Variants in PDGFC observed in about 807,000 individuals in gnomAD.
The protein encoded by PDGFC is platelet derived growth factor C, also known as platelet-derived growth factor C.
A neutral mutation model predicts 35.5 loss-of-function variants in PDGFC; 12 were observed. That is an observed-to-expected ratio of 0.34 (90% CI 0.22 to 0.55). PDGFC has a LOEUF of 0.55. PDGFC is among the 20% of genes least tolerant of loss of function. The pLI, the probability that PDGFC is intolerant of heterozygous loss-of-function variation, is 0.91. For synonymous variants in PDGFC, 159 were observed against 148.8 expected (o/e 1.07, Z -0.50); for missense variants, 322 against 412.4 (o/e 0.78, Z 1.90).
chr4:156,870,763 TAA>T (rs1249799504), intron 1 of PDGFC, among the ~76,000 whole-genome samples: 1 of 152,140 alleles, frequency 6.6e-6, no homozygotes, highest in Admixed American at 6.5e-5. Flanking sequence ...TAAAAGTAAC[TAA>T]GTGACTTTCT....
In PDGFC at chr4:156,760,960, T is replaced by G. The variant is rs1290037396; in HGVS notation, c.*2130A>C. 1 of 152,082 alleles carries G rather than the reference T, an allele frequency of 6.6e-6. No individual in the cohort carries two copies. The highest frequency in any genetic ancestry group is 6.6e-5 in the Admixed American group (1 of 15,250). 9.4% of individuals were successfully genotyped at this position (152,082 alleles called of 1,614,324 possible). A position where few individuals can be genotyped will look rare whatever the true frequency, so the allele number is the denominator to read the frequency against. ...TATATCTAGTTGGCCTCTATATGGA[T>G]AGGACAAAACCAGGAAAAGGTAAGG... On this transcript the variant is annotated 3_prime_UTR_variant, in exon 6 of 6. Coordinates refer to ENST00000502773, the MANE Select transcript of PDGFC (RefSeq NM_016205.3).
At position 156,798,191 on chromosome 4, in the gene PDGFC, C is replaced by CA; in HGVS notation, c.495+12645dup. Among the ~76,000 whole-genome samples the CA allele has an allele frequency of 2.0e-5, 3 of 152,144 alleles. No individual in the cohort carries two copies. In the South Asian group the frequency reaches 6.2e-4, roughly 32 times the overall value. ...TGGGCGACAGAGCGAGACTCCGTCA[C>CA]AAAAACAAAACAAAACAAAACAAAA... On this transcript the variant is annotated intron_variant, in intron 3 of 5. Transcript: ENST00000502773.
intron 1 of PDGFC, among the ~76,000 whole-genome samples, chr4:156,889,150 C>T (rs1327398517): frequency 6.6e-6 from 1 of 152,158 alleles, no homozygotes; most frequent in Admixed American, 6.6e-5. Flanking sequence ...CTTGCCCAGA[C>T]AGAGGCCTAC....
intron 3 of PDGFC, among the ~76,000 whole-genome samples, chr4:156,785,325 C>T (rs1731092966): frequency 6.6e-6 from 1 of 152,130 alleles, no homozygotes; most frequent in Non-Finnish European, 1.5e-5. Context: ...CCTCAGGCTG[C>T]CAAGTAGCTG....
intron 1 of PDGFC, among the ~76,000 whole-genome samples, chr4:156,926,835 T>G (rs1422784124): frequency 6.6e-6 from 1 of 152,108 alleles, no homozygotes; most frequent in African/African-American, 2.4e-5. Context: ...ACAGTGGCCC[T>G]CTTCTCACAG....
chr4:156,798,471 T>C (rs2110906007), intron 3 of PDGFC, among the ~76,000 whole-genome samples: 1 of 152,248 alleles, frequency 6.6e-6, no homozygotes, highest in Non-Finnish European at 1.5e-5. Flanking sequence ...TTTTACGTAA[T>C]TGGGAATCCT....
chr4:156,889,522 T>C (rs1029434834), intron 1 of PDGFC, among the ~76,000 whole-genome samples: 6 of 152,198 alleles, frequency 3.9e-5, no homozygotes, highest in African/African-American at 1.2e-4. Context: ...TTAGTGCTCT[T>C]AATTGCCATA....
At chr4:156,882,106 CTG>C (rs1370047653) in intron 1 of PDGFC, among the ~76,000 whole-genome samples, 1 of 152,098 alleles carries the variant, frequency 6.6e-6, no homozygotes, top group Non-Finnish European at 1.5e-5. Flanking sequence ...TGAAGTATGA[CTG>C]TATCTATAGT....
intron 3 of PDGFC, among the ~76,000 whole-genome samples, chr4:156,779,705 C>A (rs952896387): frequency 6.6e-6 from 1 of 152,128 alleles, no homozygotes; most frequent in Non-Finnish European, 1.5e-5. Context: ...ACTAAGTAGA[C>A]CTTCTTACCA....
chr4:156,865,306 T>C (rs1729813586), intron 1 of PDGFC, among the ~76,000 whole-genome samples: 1 of 152,092 alleles, frequency 6.6e-6, no homozygotes, highest in East Asian at 1.9e-4. Context: ...TTAGTTGATA[T>C]ACTGTCAGGA....
In PDGFC at chr4:156,824,307, T is replaced by C. The variant is rs1459891566; in HGVS notation, c.315-13290A>G. On this transcript the variant is annotated intron_variant, in intron 2 of 5. Transcript: ENST00000502773. ...AAGCATATATATATATATATATATA[T>C]ATATATATATATATATATATACACA... Among the ~76,000 whole-genome samples the C allele has an allele frequency of 2.5e-3, 118 of 47,034 alleles. 1 individual carries two copies. Among genetic ancestry groups the C allele is most frequent in the African/African-American group, 7.1e-3 (117 of 16,556 alleles). The allele number at this position is 47,034 out of a possible 152,430, so 30.9% of individuals were successfully genotyped here.
chr4:156,816,406 A>T (rs1732087698), intron 2 of PDGFC, among the ~76,000 whole-genome samples: 1 of 152,216 alleles, frequency 6.6e-6, no homozygotes. Flanking sequence ...ACACAAAAAT[A>T]GAAGTATTAG....
chr4:156,872,450 C>G (rs1351266276), intron 1 of PDGFC, among the ~76,000 whole-genome samples: 1 of 152,186 alleles, frequency 6.6e-6, no homozygotes, highest in African/African-American at 2.4e-5. Flanking sequence ...TGACTCAAGG[C>G]TTCAAAGTGC....
chr4:156,912,614 T>C (rs1043325488), intron 1 of PDGFC, among the ~76,000 whole-genome samples: 3 of 152,136 alleles, frequency 2.0e-5, no homozygotes, highest in African/African-American at 7.2e-5. Flanking sequence ...CTGACAGTAT[T>C]CTAGAAGTCC....
chr4:156,835,434 T>A (rs1729040227), intron 2 of PDGFC, among the ~76,000 whole-genome samples: 1 of 152,184 alleles, frequency 6.6e-6, no homozygotes, highest in Non-Finnish European at 1.5e-5. Context: ...TAAACTTTTA[T>A]ATTTTAAAAG....
At position 156,789,939 on chromosome 4, in the gene PDGFC, G is replaced by A. The variant is rs368571179; in HGVS notation, c.496-17046C>T. On this transcript the variant is annotated intron_variant, in intron 3 of 5. Coordinates refer to ENST00000502773, the MANE Select transcript of PDGFC (RefSeq NM_016205.3). ...TTGCAGTGAGCCGAGATCATGCCACGGTACTCCAGCCTGGATGACAGAGTG... is the reference window on the plus strand; with the variant it reads ...TTGCAGTGAGCCGAGATCATGCCACAGTACTCCAGCCTGGATGACAGAGTG... Among the ~76,000 whole-genome samples, 671 of 137,754 alleles carry A rather than the reference G, an allele frequency of 4.9e-3. 2 individuals are homozygous for A. The highest frequency in any genetic ancestry group is 0.018 in the African/African-American group (642 of 35,290). 90.4% of individuals were successfully genotyped at this position (137,754 alleles called of 152,430 possible).
chr4:156,814,233 G>A (rs967093551), intron 2 of PDGFC, among the ~76,000 whole-genome samples: 1 of 152,130 alleles, frequency 6.6e-6, no homozygotes, highest in South Asian at 2.1e-4. Flanking sequence ...TTCATAGAGG[G>A]GAGTAACACA....
At chr4:156,968,717 A>ATTT (rs1292137624) in intron 1 of PDGFC, among the ~76,000 whole-genome samples, 3 of 152,100 alleles carry the variant, frequency 2.0e-5, no homozygotes, top group Non-Finnish European at 4.4e-5. Context: ...TTGGGCTAAA[A>ATTT]ACTACAAGTA....
intron 1 of PDGFC, among the ~76,000 whole-genome samples, chr4:156,885,669 A>G (rs1395090851): frequency 6.6e-6 from 1 of 152,098 alleles, no homozygotes; most frequent in African/African-American, 2.4e-5. Context: ...AGGTGAGAGT[A>G]CTGCTTGGGC....
Sources: allele counts gnomAD v4.1 joint callset (sites outside exome capture counted in the v4.1 genomes callset), GRCh38; gene constraint gnomAD v4.1.1; transcripts MANE v1.5; gene names NCBI Gene and HGNC (gene_info 2026-07-23, HGNC 2026-07-21).